ROBO2: variants seen among roughly 807,000 people sequenced by gnomAD.
ROBO2 encodes roundabout homolog 2.
A neutral mutation model predicts 160.8 loss-of-function variants in ROBO2; 53 were observed. The observed-to-expected ratio is 0.33, with a 90% CI of 0.26 to 0.41. The LOEUF (loss-of-function observed/expected upper bound fraction) is 0.41. ROBO2 is among the 10% of genes least tolerant of loss of function. The pLI, the probability that ROBO2 is intolerant of heterozygous loss-of-function variation, is 1.00. For missense variants in ROBO2, 1,577 were observed against 1,722.4 expected (o/e 0.92, Z 1.49); for synonymous variants, 664 against 611.7 (o/e 1.09, Z -1.26).
intron 2 of ROBO2, among the ~76,000 whole-genome samples, chr3:77,188,517 T>C (rs2081494777): frequency 6.6e-6 from 1 of 151,874 alleles, no homozygotes; most frequent in African/African-American, 2.4e-5. Flanking sequence ...GTCTTAAAAA[T>C]ACATGTGTTT....
intron 2 of ROBO2, among the ~76,000 whole-genome samples, chr3:76,671,079 A>G (rs182387734): frequency 6.6e-6 from 1 of 152,272 alleles, no homozygotes; most frequent in East Asian, 1.9e-4. Flanking sequence ...GTACTTTAAA[A>G]CAAAATGCCA....
At chr3:76,781,340 C>A (rs1044855518) in intron 2 of ROBO2, among the ~76,000 whole-genome samples, 1 of 150,512 alleles carries the variant, frequency 6.6e-6, no homozygotes, top group Admixed American at 6.6e-5. Context: ...TATATAAGAT[C>A]AGGTTATATG....
intron 2 of ROBO2, among the ~76,000 whole-genome samples, chr3:77,368,404 C>T (rs1265017954): frequency 6.6e-6 from 1 of 152,038 alleles, no homozygotes; most frequent in East Asian, 1.9e-4. Flanking sequence ...TTGTTACTAA[C>T]AGGCTTTGGG....
At chr3:77,013,132 A>T (rs1219558375) in intron 2 of ROBO2, among the ~76,000 whole-genome samples, 1 of 152,192 alleles carries the variant, frequency 6.6e-6, no homozygotes, top group African/African-American at 2.4e-5. Context: ...TTTAAGCATT[A>T]GCCAATATTA....
At chr3:76,962,927 A>G (rs939591067) in intron 2 of ROBO2, among the ~76,000 whole-genome samples, 3 of 152,292 alleles carry the variant, frequency 2.0e-5, no homozygotes, top group Non-Finnish European at 2.9e-5. Context: ...CTCCTCAACA[A>G]CGGTGTCATT....
At chr3:76,773,156 A>C (rs1348671694) in intron 2 of ROBO2, among the ~76,000 whole-genome samples, 5 of 151,110 alleles carry the variant, frequency 3.3e-5, no homozygotes, top group Non-Finnish European at 7.4e-5. Flanking sequence ...CCTCTTAATC[A>C]ATAATAAAAT....
At chr3:76,381,093 A>T (rs1207433983) in intron 2 of ROBO2, among the ~76,000 whole-genome samples, 1 of 152,092 alleles carries the variant, frequency 6.6e-6, no homozygotes, top group Non-Finnish European at 1.5e-5. Flanking sequence ...AAAGGATTTA[A>T]AAAAACAGAC....
intron 2 of ROBO2, among the ~76,000 whole-genome samples, chr3:77,224,623 G>C (rs1001390496): frequency 1.3e-5 from 2 of 151,626 alleles, no homozygotes; most frequent in African/African-American, 4.8e-5. Context: ...AATTGTGTGT[G>C]TTTCTTTGTT....
intron 2 of ROBO2, among the ~76,000 whole-genome samples, chr3:76,838,309 A>G (rs77541627): frequency 6.6e-6 from 1 of 152,202 alleles, no homozygotes; most frequent in East Asian, 1.9e-4. Flanking sequence ...GTGATGAAAT[A>G]ATCAGTATAA....
chr3:77,056,426 G>T (rs1054643813), intron 1 of ROBO2, among the ~76,000 whole-genome samples: 1 of 152,106 alleles, frequency 6.6e-6, no homozygotes, highest in Non-Finnish European at 1.5e-5. Context: ...GAAAGATCTT[G>T]CTTATTATTA....
Position 76,495,866 on chromosome 3 carries a change from A to G in ROBO2, c.109+558264A>G, listed in dbSNP as rs145551792. ...AGAAAAGTGATGGACATTTCTTACT[A>G]CAATGATGCATGGTTTTATGTTTCT... On this transcript the variant is annotated intron_variant, in intron 2 of 26. Transcript: ENST00000487694. Among the ~76,000 whole-genome samples the G allele has an allele frequency of 4.0e-3, 612 of 152,326 alleles. 5 individuals are homozygous for G. The highest frequency in any genetic ancestry group is 0.014 in the African/African-American group (589 of 41,576).
intron 2 of ROBO2, among the ~76,000 whole-genome samples, chr3:76,205,902 C>A (rs549785723): frequency 2.6e-5 from 4 of 152,312 alleles, no homozygotes; most frequent in African/African-American, 7.2e-5. Flanking sequence ...GCACAGCTAA[C>A]AACCATCTAG....
intron 2 of ROBO2, among the ~76,000 whole-genome samples, chr3:76,334,147 AATATAT>A (rs540717384): frequency 6.6e-6 from 1 of 152,078 alleles, no homozygotes; most frequent in Non-Finnish European, 1.5e-5. Flanking sequence ...ATAATAAAAA[AATATAT>A]ATATATACAT....
At chr3:77,444,456 G>A (rs1490368582) in intron 2 of ROBO2, among the ~76,000 whole-genome samples, 3 of 152,248 alleles carry the variant, frequency 2.0e-5, no homozygotes, top group Admixed American at 1.3e-4. Flanking sequence ...CATGTAAACA[G>A]CCTCAATAAC....
chr3:76,514,590 C>T (rs1489866495), intron 2 of ROBO2, among the ~76,000 whole-genome samples: 1 of 152,086 alleles, frequency 6.6e-6, no homozygotes, highest in East Asian at 1.9e-4. Flanking sequence ...CTTTTAATCT[C>T]TGTTATCGAA....
chr3:77,272,496 G>A (rs915615690), intron 2 of ROBO2, among the ~76,000 whole-genome samples: 3 of 152,020 alleles, frequency 2.0e-5, no homozygotes, highest in Non-Finnish European at 2.9e-5. Context: ...GGGGAAATAC[G>A]CCCCCATGTT....
intron 2 of ROBO2, among the ~76,000 whole-genome samples, chr3:76,026,121 C>CCAAT (rs2066737022): frequency 6.6e-6 from 1 of 151,862 alleles, no homozygotes; most frequent in African/African-American, 2.4e-5. Flanking sequence ...TAGTCAGTGA[C>CCAAT]CGATTAACCA....
At chr3:76,871,717 T>C (rs1217418636) in intron 2 of ROBO2, among the ~76,000 whole-genome samples, 2 of 152,214 alleles carry the variant, frequency 1.3e-5, no homozygotes, top group East Asian at 3.9e-4. Context: ...TCATGATTGT[T>C]ACCTATTATC....
At chr3:77,173,473 T>A (rs7643662) in intron 2 of ROBO2, among the ~76,000 whole-genome samples, 59,972 of 151,776 alleles carry the variant, frequency 0.4, 12,398 homozygotes, top group Middle Eastern at 0.54. Flanking sequence ...TGCCCCTTCA[T>A]GTGTATGATG....
Sources: allele counts gnomAD v4.1 joint callset (sites outside exome capture counted in the v4.1 genomes callset), GRCh38; gene constraint gnomAD v4.1.1; transcripts MANE v1.5; gene names NCBI Gene and HGNC (gene_info 2026-07-23, HGNC 2026-07-21).